PLPPR1: variants seen among roughly 807,000 people sequenced by gnomAD.
PLPPR1 encodes the protein phospholipid phosphatase related 1.
In PLPPR1, 10 loss-of-function variants were observed where a neutral mutation model predicts 33.1. That is an observed-to-expected ratio of 0.30 (90% CI 0.19 to 0.51). The LOEUF is 0.51. Among genes scored for constraint, PLPPR1 ranks in the 20% least tolerant of loss-of-function variants. The pLI is 0.97. For synonymous variants in PLPPR1, 151 were observed against 151.0 expected (o/e 1.00, Z 0.00); for missense variants, 304 against 408.1 (o/e 0.74, Z 2.20).
intron 1 of PLPPR1, among the ~76,000 whole-genome samples, chr9:101,167,182 G>C (rs1329451139): frequency 1.5e-5 from 1 of 67,610 alleles, no homozygotes; most frequent in African/African-American, 4.9e-5. Context: ...GTGTGTGTGT[G>C]TCTTTCTCTC....
chr9:101,235,761 A>G lies in PLPPR1; in HGVS notation c.64-34119A>G, dbSNP rs113696198. Among the ~76,000 whole-genome samples the G allele has an allele frequency of 1.1e-4, 16 of 151,852 alleles. 1 individual carries two copies. Among genetic ancestry groups the G allele is most frequent in the African/African-American group, 3.9e-4 (16 of 41,508 alleles). Reference sequence around the variant, plus strand: ...GAACATAAACCTCTCACTTACAGGCACAGTATTCACCAGCTTCCTCTGAAA... The same window carrying G: ...GAACATAAACCTCTCACTTACAGGCGCAGTATTCACCAGCTTCCTCTGAAA... On this transcript the variant is annotated intron_variant, in intron 2 of 7. Coordinates refer to ENST00000374874, the MANE Select transcript of PLPPR1 (RefSeq NM_207299.2).
In PLPPR1 at chr9:101,323,801, T is replaced by C. The variant is rs948099782; in HGVS notation, c.946-224T>C. Among the ~76,000 whole-genome samples the C allele has an allele frequency of 2.6e-5, 4 of 152,010 alleles. No homozygotes were observed. In the East Asian group the frequency reaches 7.7e-4, roughly 29 times the overall value. ...TTGCAGTAAGCTGAGATTGCACCAT[T>C]GCACTCCAGCCTGGGCAACAATTGT... is the stretch of plus-strand genomic sequence containing the variant. On this transcript the variant is annotated intron_variant, in intron 7 of 7. Coordinates refer to ENST00000374874, the MANE Select transcript of PLPPR1 (RefSeq NM_207299.2).
At chr9:101,252,586 T>G (rs970249355) in intron 2 of PLPPR1, among the ~76,000 whole-genome samples, 1 of 152,164 alleles carries the variant, frequency 6.6e-6, no homozygotes, top group Non-Finnish European at 1.5e-5. Context: ...TCTGAGTCTC[T>G]TTGCAACATT....
chr9:101,213,753 A>T (rs1169215889), intron 2 of PLPPR1, among the ~76,000 whole-genome samples: 1 of 152,218 alleles, frequency 6.6e-6, no homozygotes, highest in Non-Finnish European at 1.5e-5. Flanking sequence ...TTTGGTACTT[A>T]ACAAGGAAAA....
rs542312736 is a variant in PLPPR1 at position 101,204,250 on chromosome 9, G to A, written c.63+18693G>A. 1.6e-3 allele frequency among the ~76,000 whole-genome samples: 249 copies of A among 152,236 alleles called. 1 individual carries two copies. Among genetic ancestry groups the A allele is most frequent in the African/African-American group, 5.2e-3 (217 of 41,540 alleles). ...CTCAAGCCCATTGGAGATTTGTAGG[G>A]CTCACCTGCCCCAACCTCTATTTCC... On this transcript the variant is annotated intron_variant, in intron 2 of 7. Transcript: ENST00000374874.
At chr9:101,109,030 C>T (rs990045611) in intron 1 of PLPPR1, among the ~76,000 whole-genome samples, 20 of 149,386 alleles carry the variant, frequency 1.3e-4, no homozygotes, top group Non-Finnish European at 2.5e-4. Context: ...GCGATCTCGG[C>T]TCACTGCAAG....
At chr9:101,310,015 C>T (rs564440877) in intron 5 of PLPPR1, among the ~76,000 whole-genome samples, 7 of 152,224 alleles carry the variant, frequency 4.6e-5, no homozygotes, top group Middle Eastern at 3.4e-3. Context: ...ACCTCAACAC[C>T]CCAGAGTATG....
chr9:101,259,868 G>A (rs1239428861), intron 2 of PLPPR1, among the ~76,000 whole-genome samples: 4 of 152,102 alleles, frequency 2.6e-5, no homozygotes, highest in South Asian at 4.1e-4. Context: ...GGAAGCAATC[G>A]GATATGCATT....
chr9:101,129,926 T>C (rs1831294784), intron 1 of PLPPR1, among the ~76,000 whole-genome samples: 1 of 152,122 alleles, frequency 6.6e-6, no homozygotes, highest in South Asian at 2.1e-4. Context: ...AGACAACAAA[T>C]AATATATATT....
At position 101,203,197 on chromosome 9, in the gene PLPPR1, T is replaced by G. The variant is rs559767113; in HGVS notation, c.63+17640T>G. Reference sequence around the variant, plus strand: ...CAGACACAGTATTCTTTCACATTATTGGTATGTCTTCTATAACCAGGCTAT... The same window carrying G: ...CAGACACAGTATTCTTTCACATTATGGGTATGTCTTCTATAACCAGGCTAT... On this transcript the variant is annotated intron_variant, in intron 2 of 7. Transcript: ENST00000374874. 1.5e-3 allele frequency among the ~76,000 whole-genome samples: 223 copies of G among 152,308 alleles called. 1 individual carries two copies. The highest frequency in any genetic ancestry group is 5.1e-3 in the African/African-American group (211 of 41,566).
chr9:101,227,669 G>T (rs540865910), intron 2 of PLPPR1, among the ~76,000 whole-genome samples: 1 of 152,264 alleles, frequency 6.6e-6, no homozygotes, highest in African/African-American at 2.4e-5. Flanking sequence ...ATTTCATTTT[G>T]AGGTTAAACA....
intron 1 of PLPPR1, among the ~76,000 whole-genome samples, chr9:101,090,106 A>G (rs1830724343): frequency 6.6e-6 from 1 of 152,148 alleles, no homozygotes; most frequent in Non-Finnish European, 1.5e-5. Context: ...ATCTTCACAC[A>G]GCATATTCTC....
intron 4 of PLPPR1, among the ~76,000 whole-genome samples, chr9:101,306,081 A>G (rs1828854522): frequency 6.6e-6 from 1 of 152,188 alleles, no homozygotes; most frequent in Non-Finnish European, 1.5e-5. Context: ...GATCATGGCC[A>G]TCACCAGCAG....
In PLPPR1 at chr9:101,079,412, T is replaced by TTTG. The variant is rs934353223; in HGVS notation, c.-46+50324_-46+50326dup. Among the ~76,000 whole-genome samples the TTTG allele has an allele frequency of 6.6e-5, 10 of 152,016 alleles. No homozygotes were observed. In the South Asian group the frequency reaches 8.3e-4, roughly 13 times the overall value. The stretch of plus-strand genomic sequence containing the variant: ...AGAAAGGATACACAAGAGGGAAGGT[T>TTTG]TTGTTGTTGTTGTTGTGTGTTTTGT... On this transcript the variant is annotated intron_variant, in intron 1 of 7. Coordinates refer to ENST00000374874, the MANE Select transcript of PLPPR1 (RefSeq NM_207299.2).
At chr9:101,303,156 G>A (rs1371358812) in intron 4 of PLPPR1, among the ~76,000 whole-genome samples, 1 of 150,096 alleles carries the variant, frequency 6.7e-6, no homozygotes, top group Non-Finnish European at 1.5e-5. Context: ...GCTAATTTTT[G>A]TATTTTTAGT....
intron 1 of PLPPR1, among the ~76,000 whole-genome samples, chr9:101,045,707 T>C (rs1287091481): frequency 6.6e-6 from 1 of 152,234 alleles, no homozygotes; most frequent in African/African-American, 2.4e-5. Context: ...TAGTATAGGA[T>C]AATAGGAAGA....
intron 2 of PLPPR1, among the ~76,000 whole-genome samples, chr9:101,249,196 T>A (rs1827671238): frequency 1.3e-5 from 2 of 152,116 alleles, no homozygotes; most frequent in African/African-American, 4.8e-5. Context: ...AGCAAATGTC[T>A]AGCAGTATCT....
At position 101,182,711 on chromosome 9, in the gene PLPPR1, C is replaced by T. The variant is rs559113628; in HGVS notation, c.-45-2739C>T. On this transcript the variant is annotated intron_variant, in intron 1 of 7. Transcript: ENST00000374874. ...AAAGATGGAAAAAATAAAATTAAAA[C>T]GTAAGCAAAAGACTGGAAGAAAATA... is the stretch of plus-strand genomic sequence containing the variant. Among the ~76,000 whole-genome samples, 3 of 151,620 alleles carry T rather than the reference C, an allele frequency of 2.0e-5. No homozygotes were observed. The South Asian group carries it at 6.2e-4, about 31-fold the overall frequency.
chr9:101,113,857 A>G (rs1831087964), intron 1 of PLPPR1, among the ~76,000 whole-genome samples: 1 of 152,204 alleles, frequency 6.6e-6, no homozygotes, highest in East Asian at 1.9e-4. Context: ...ATGTTGCAGA[A>G]TTGTGCAGAA....
Sources: allele counts gnomAD v4.1 joint callset (sites outside exome capture counted in the v4.1 genomes callset), GRCh38; gene constraint gnomAD v4.1.1; transcripts MANE v1.5; gene names NCBI Gene and HGNC (gene_info 2026-07-23, HGNC 2026-07-21).